SIK2: variants seen among roughly 807,000 people sequenced by gnomAD.
SIK2 encodes serine/threonine-protein kinase SIK2.
A neutral mutation model predicts 103.2 loss-of-function variants in SIK2; 29 were observed. The ratio of observed to expected loss-of-function variants is 0.28; its 90% confidence interval spans 0.21 to 0.38. The LOEUF (loss-of-function observed/expected upper bound fraction) is 0.38, where lower values mean the gene tolerates loss of function less well. SIK2 is among the 10% of genes least tolerant of loss of function. The pLI is 1.00. For missense variants in SIK2, 879 were observed against 1,171.0 expected, an observed-to-expected ratio of 0.75 and a Z score of 3.64; for synonymous variants, 412 against 446.1, an observed-to-expected ratio of 0.92 and a Z score of 0.96.
chr11:111,665,923 G>A (rs1166310216), intron 3 of SIK2, among the ~76,000 whole-genome samples: 1 of 152,136 alleles, frequency 6.6e-6, no homozygotes, highest in Non-Finnish European at 1.5e-5. Context: ...ATGGACTTTG[G>A]TTCTCCATGC....
At chr11:111,622,456 G>A (rs1039507733) in intron 3 of SIK2, among the ~76,000 whole-genome samples, 11 of 151,386 alleles carry the variant, frequency 7.3e-5, no homozygotes, top group Admixed American at 3.9e-4. Flanking sequence ...GGGTTTCACC[G>A]TGTTAGCCAG....
At chr11:111,612,747 A>T (rs931683171) in intron 1 of SIK2, among the ~76,000 whole-genome samples, 4 of 152,258 alleles carry the variant, frequency 2.6e-5, no homozygotes, top group Non-Finnish European at 5.9e-5. Context: ...CTGCTACGTG[A>T]GCAAGAAATA....
rs145742091 is a variant in SIK2 at position 111,726,969 on chromosome 11, T to A, written c.*2840T>A. 1.4e-4 allele frequency: 222 copies of A among 1,613,656 alleles called. No individual in the cohort carries two copies. In the African/African-American group the frequency reaches 2.4e-3, roughly 17 times the overall value. ...TCTTTTTTTAAATCTGGGGTATTAG[T>A]CTGTGCTTTGGGAGAAATGCACTAG... On this transcript the variant is annotated 3_prime_UTR_variant, in exon 15 of 15. Transcript: ENST00000304987.
chr11:111,690,069 C>T (rs1942908756), intron 4 of SIK2, among the ~76,000 whole-genome samples: 1 of 151,914 alleles, frequency 6.6e-6, no homozygotes, highest in African/African-American at 2.4e-5. Flanking sequence ...ATGTGATGCA[C>T]AAAATTAGAA....
Position 111,723,920 on chromosome 11 carries a change from G to A in SIK2, c.2572G>A (p.Ala858Thr). The change falls in exon 15 of 15, where the codon GCG becomes ACG. Residue 858 changes from alanine (A) to threonine (T), a missense_variant. Around this residue, in one of 7 missense-constraint regions of SIK2, gnomAD observed 375 missense variants for 416.3 expected, o/e 0.90. Coordinates refer to ENST00000304987, the MANE Select transcript of SIK2 (RefSeq NM_015191.3). ...TCELPSAASP[A>T]PDYPTPCQYP... Reference sequence around the variant, plus strand: ...TGAGCTGCCAAGCGCTGCTTCCCCTGCGCCAGACTATCCCACTCCCTGTCA... The same window carrying A: ...TGAGCTGCCAAGCGCTGCTTCCCCTACGCCAGACTATCCCACTCCCTGTCA... 1.2e-6 allele frequency: 2 copies of A among 1,613,646 alleles called. No individual in the cohort carries two copies. The highest frequency in any genetic ancestry group is 1.7e-6 in the Non-Finnish European group (2 of 1,179,896).
At chr11:111,684,833 G>A (rs1280305529) in intron 3 of SIK2, among the ~76,000 whole-genome samples, 2 of 152,208 alleles carry the variant, frequency 1.3e-5, no homozygotes, top group African/African-American at 2.4e-5. Flanking sequence ...TACTATGCAG[G>A]TTCTGCAAAG....
intron 1 of SIK2, among the ~76,000 whole-genome samples, chr11:111,610,255 C>T (rs941160078): frequency 1.3e-5 from 2 of 151,990 alleles, no homozygotes; most frequent in Admixed American, 1.3e-4. Context: ...TTTGGGGGGC[C>T]GAGGCGGGTG....
At chr11:111,641,079 G>A (rs893052246) in intron 3 of SIK2, among the ~76,000 whole-genome samples, 4 of 152,050 alleles carry the variant, frequency 2.6e-5, no homozygotes, top group African/African-American at 7.2e-5. Flanking sequence ...TAACTTCACT[G>A]CAGCAACTTG....
intron 9 of SIK2, among the ~76,000 whole-genome samples, chr11:111,714,952 T>C (rs984028591): frequency 2.0e-5 from 3 of 152,206 alleles, no homozygotes; most frequent in African/African-American, 7.2e-5. Flanking sequence ...AAAATGCAGT[T>C]GACTAAAGGC....
At chr11:111,660,839 C>CTTTTTT (rs57174726) in intron 3 of SIK2, among the ~76,000 whole-genome samples, 5 of 90,396 alleles carry the variant, frequency 5.5e-5, no homozygotes, top group Admixed American at 4.1e-4. Flanking sequence ...GTGAAGTTGG[C>CTTTTTT]TTTTTTTTTT....
At chr11:111,684,440 G>GA (rs1449193261) in intron 3 of SIK2, among the ~76,000 whole-genome samples, 47 of 148,022 alleles carry the variant, frequency 3.2e-4, no homozygotes, top group East Asian at 2.7e-3. Context: ...TTTCTTCAGG[G>GA]AAAAAAAAAA....
At chr11:111,659,930 T>G (rs1475108827) in intron 3 of SIK2, among the ~76,000 whole-genome samples, 5 of 152,244 alleles carry the variant, frequency 3.3e-5, no homozygotes, top group African/African-American at 7.2e-5. Context: ...TCTGCCAGCC[T>G]CAGCTTTATC....
intron 14 of SIK2, among the ~76,000 whole-genome samples, chr11:111,723,256 G>A (rs986345663): frequency 1.3e-5 from 2 of 152,114 alleles, no homozygotes; most frequent in African/African-American, 2.4e-5. Context: ...GAAAAAACTC[G>A]GAGTCAGAGA....
chr11:111,708,853 G>A (rs1262418471), intron 8 of SIK2, among the ~76,000 whole-genome samples: 2 of 152,156 alleles, frequency 1.3e-5, no homozygotes, highest in Non-Finnish European at 2.9e-5. Flanking sequence ...CTCCCAAAGT[G>A]TCGGGATTGC....
chr11:111,666,649 T>G (rs1371453208), intron 3 of SIK2, among the ~76,000 whole-genome samples: 2 of 152,184 alleles, frequency 1.3e-5, no homozygotes, highest in Non-Finnish European at 2.9e-5. Flanking sequence ...TTCTTCAGTT[T>G]TAGGAAAAAT....
At chr11:111,609,657 A>G (rs1329443842) in intron 1 of SIK2, among the ~76,000 whole-genome samples, 1 of 152,236 alleles carries the variant, frequency 6.6e-6, no homozygotes, top group African/African-American at 2.4e-5. Context: ...TATTATTTGA[A>G]TAATTTTAAA....
chr11:111,701,280 A>G lies in SIK2; in HGVS notation c.604-172A>G, dbSNP rs1194298051. Among the ~76,000 whole-genome samples, 1 of 152,214 alleles carries G rather than the reference A, an allele frequency of 6.6e-6. No homozygotes were observed. The highest frequency in any genetic ancestry group is 1.5e-5 in the Non-Finnish European group (1 of 68,036). ...CAAATTCTTTGGTATTTATTATAAG[A>G]TACTTATTGTAGTAGTCAGGGTTTT... On this transcript the variant is annotated intron_variant, in intron 5 of 14. Coordinates refer to ENST00000304987, the MANE Select transcript of SIK2 (RefSeq NM_015191.3). This position sits in a 1 kb window ranked among gnomAD's most constrained non-coding sequence, Gnocchi z 4.2.
Position 111,726,840 on chromosome 11 carries a change from C to T in SIK2, c.*2711C>T, listed in dbSNP as rs777206821. On this transcript the variant is annotated 3_prime_UTR_variant, in exon 15 of 15. Coordinates refer to ENST00000304987, the MANE Select transcript of SIK2 (RefSeq NM_015191.3). Reference sequence around the variant, plus strand: ...TACTGTATCATCATCAGCTTCATCACCCTGTAAACCAGGCTCCTCTGAAGA... The same window carrying T: ...TACTGTATCATCATCAGCTTCATCATCCTGTAAACCAGGCTCCTCTGAAGA... The T allele has an allele frequency of 6.2e-6, 5 of 803,924 alleles. No individual in the cohort carries two copies. The highest frequency in any genetic ancestry group is 1.0e-5 in the Non-Finnish European group (5 of 484,966). 49.8% of individuals were successfully genotyped at this position (803,924 alleles called of 1,614,324 possible).
intron 1 of SIK2, among the ~76,000 whole-genome samples, chr11:111,614,241 G>T (rs1411830442): frequency 6.6e-6 from 1 of 151,998 alleles, no homozygotes; most frequent in Non-Finnish European, 1.5e-5. Flanking sequence ...CCACCACCAT[G>T]CCTAGCTAAT....
Sources: allele counts gnomAD v4.1 joint callset (sites outside exome capture counted in the v4.1 genomes callset), GRCh38; gene constraint gnomAD v4.1.1; regional missense constraint gnomAD v4.1.1; non-coding constraint Gnocchi (gnomAD v3.1); transcripts MANE v1.5; gene names NCBI Gene and HGNC (gene_info 2026-07-23, HGNC 2026-07-21).